The following RBMS3 variants were observed in gnomAD, a reference collection of about 807,000 sequenced individuals.
The protein encoded by RBMS3 is RNA-binding motif, single-stranded-interacting protein 3.
A neutral mutation model predicts 66.8 loss-of-function variants in RBMS3; 27 were observed. The observed-to-expected ratio is 0.40, with a 90% CI of 0.30 to 0.56. The LOEUF (loss-of-function observed/expected upper bound fraction) is 0.56, where lower values mean the gene tolerates loss of function less well. Ranked by LOEUF, RBMS3 falls within the 20% of genes least tolerant of loss-of-function variation. RBMS3 has a pLI of 0.40. For synonymous variants in RBMS3, 188 were observed against 183.0 expected (o/e 1.03, Z -0.22); for missense variants, 513 against 549.5 (o/e 0.93, Z 0.66).
chr3:29,706,576 A>C (rs140269027), intron 4 of RBMS3, among the ~76,000 whole-genome samples: 23 of 152,296 alleles, frequency 1.5e-4, no homozygotes, highest in Admixed American at 3.3e-4. Context: ...AACTCATAGT[A>C]TGAAATCATG....
At chr3:29,531,698 C>A (rs1014400793) in intron 3 of RBMS3, among the ~76,000 whole-genome samples, 1 of 152,184 alleles carries the variant, frequency 6.6e-6, no homozygotes, top group Non-Finnish European at 1.5e-5. Flanking sequence ...GCTGAGGCAG[C>A]AAGGAAAATG....
intron 1 of RBMS3, among the ~76,000 whole-genome samples, chr3:29,333,384 G>A (rs1369004638): frequency 6.6e-6 from 1 of 152,078 alleles, no homozygotes; most frequent in Non-Finnish European, 1.5e-5. Context: ...GCATCAGCAC[G>A]TATAACATTC....
intron 8 of RBMS3, among the ~76,000 whole-genome samples, chr3:29,893,980 A>G (rs552984563): frequency 6.6e-6 from 1 of 151,732 alleles, no homozygotes; most frequent in South Asian, 2.1e-4. Flanking sequence ...CTAGGCAACA[A>G]TACTGATATA....
intron 1 of RBMS3, among the ~76,000 whole-genome samples, chr3:29,424,156 T>G (rs1469230673): frequency 6.6e-6 from 1 of 152,210 alleles, no homozygotes; most frequent in Admixed American, 6.5e-5. Context: ...ATGAAATAGC[T>G]CTAAAGTAAT....
rs541870036 is a variant in RBMS3, at chr3:29,801,380, G to T, written c.637+38391G>T. Reference sequence around the variant, plus strand: ...CCTCCTGGGCTCAAGCGATTCTCCTGCCTCAGCCTCCTGAGTAGCTAGGGT... The same window carrying T: ...CCTCCTGGGCTCAAGCGATTCTCCTTCCTCAGCCTCCTGAGTAGCTAGGGT... On this transcript the variant is annotated intron_variant, in intron 6 of 14. Coordinates refer to ENST00000383767, the MANE Select transcript of RBMS3 (RefSeq NM_001003793.3). Among the ~76,000 whole-genome samples, 5 of 150,582 alleles carry T rather than the reference G, an allele frequency of 3.3e-5. No homozygotes were observed. The South Asian group carries it at 6.3e-4, about 19-fold the overall frequency.
chr3:29,359,762 G>A (rs1177678553), intron 1 of RBMS3, among the ~76,000 whole-genome samples: 1 of 152,020 alleles, frequency 6.6e-6, no homozygotes, highest in Non-Finnish European at 1.5e-5. Flanking sequence ...ACTTCTTCCT[G>A]GTTTAGTCTT....
chr3:29,355,825 C>CT (rs1310123145), intron 1 of RBMS3, among the ~76,000 whole-genome samples: 2 of 152,008 alleles, frequency 1.3e-5, no homozygotes, highest in Admixed American at 1.3e-4. Context: ...AAGCACAAAT[C>CT]TTATGTTTCT....
intron 1 of RBMS3, among the ~76,000 whole-genome samples, chr3:29,299,023 G>A (rs996847262): frequency 2.0e-5 from 3 of 151,794 alleles, no homozygotes; most frequent in African/African-American, 7.3e-5. Context: ...GAACAAAGGA[G>A]GGTAATCAAA....
At chr3:29,884,423 TC>T (rs2059811656) in intron 8 of RBMS3, among the ~76,000 whole-genome samples, 1 of 26,012 alleles carries the variant, frequency 3.8e-5, no homozygotes, top group African/African-American at 1.3e-4. Flanking sequence ...TAAACCCTGT[TC>T]TCTCTCTCTC....
At chr3:29,723,737 G>T (rs982892089) in intron 4 of RBMS3, among the ~76,000 whole-genome samples, 70 of 152,218 alleles carry the variant, frequency 4.6e-4, no homozygotes, top group African/African-American at 1.7e-3. Flanking sequence ...CCTCTCCTTG[G>T]AAGCCAGGAG....
At chr3:29,906,952 T>C (rs1318976257) in intron 10 of RBMS3, among the ~76,000 whole-genome samples, 1 of 152,180 alleles carries the variant, frequency 6.6e-6, no homozygotes, top group East Asian at 1.9e-4. Flanking sequence ...ATTTTCCATT[T>C]TTCCCAGTTG....
chr3:29,780,634 A>G (rs2056598283), intron 6 of RBMS3, among the ~76,000 whole-genome samples: 1 of 152,178 alleles, frequency 6.6e-6, no homozygotes, highest in African/African-American at 2.4e-5. Flanking sequence ...TTTCCCAAAA[A>G]CCAGTATCCT....
rs143413410 is a variant in RBMS3, at chr3:29,524,029, C to T, written c.307+35530C>T. Among the ~76,000 whole-genome samples the T allele has an allele frequency of 7.2e-4, 110 of 152,222 alleles. 2 individuals carry two copies. The highest frequency in any genetic ancestry group is 3.1e-3 in the East Asian group (16 of 5,164). On this transcript the variant is annotated intron_variant, in intron 3 of 14. Transcript: ENST00000383767. ...CTGAGATTATGGGTATGAGCCCCTG[C>T]GCCCAGCCCATAATCTCTTTTAAAT...
chr3:29,777,801 GA>G (rs2056479232), intron 6 of RBMS3, among the ~76,000 whole-genome samples: 2 of 151,696 alleles, frequency 1.3e-5, no homozygotes, highest in Non-Finnish European at 2.9e-5. Flanking sequence ...ACAACAATTA[GA>G]TTTTTTTTTC....
chr3:29,888,674 C>A (rs1017919261), intron 8 of RBMS3, among the ~76,000 whole-genome samples: 8 of 151,678 alleles, frequency 5.3e-5, no homozygotes, highest in South Asian at 2.1e-4. Flanking sequence ...GGTCATTATC[C>A]TCATCAATAT....
In RBMS3 at chr3:29,543,456, C is replaced by G. The variant is rs532316198; in HGVS notation, c.308-43658C>G. Among the ~76,000 whole-genome samples the G allele has an allele frequency of 5.4e-4, 82 of 152,290 alleles. 2 individuals carry two copies. The South Asian group carries it at 0.013, about 25-fold the overall frequency. On this transcript the variant is annotated intron_variant, in intron 3 of 14. Transcript: ENST00000383767. ...GGGCAAGGTGGCTAACGCCTGTAAT[C>G]CCAGCACTTTGGGAGGCTGAAGCTG... is the stretch of plus-strand genomic sequence containing the variant.
At chr3:29,864,614 G>A (rs1009281548) in intron 6 of RBMS3, among the ~76,000 whole-genome samples, 1 of 152,064 alleles carries the variant, frequency 6.6e-6, no homozygotes, top group African/African-American at 2.4e-5. Context: ...ACTGACACAT[G>A]ACCGGGTTTC....
intron 4 of RBMS3, among the ~76,000 whole-genome samples, chr3:29,612,278 T>G (rs888085452): frequency 1.3e-5 from 2 of 152,102 alleles, no homozygotes. Context: ...CTGTAGATAC[T>G]GGTCTGCAAC....
chr3:29,796,304 C>T (rs946397269), intron 6 of RBMS3, among the ~76,000 whole-genome samples: 1 of 152,142 alleles, frequency 6.6e-6, no homozygotes, highest in African/African-American at 2.4e-5. Flanking sequence ...GCTATTTTTA[C>T]CACATCTTCA....
Sources: allele counts gnomAD v4.1 joint callset (sites outside exome capture counted in the v4.1 genomes callset), GRCh38; gene constraint gnomAD v4.1.1; transcripts MANE v1.5; gene names NCBI Gene and HGNC (gene_info 2026-07-23, HGNC 2026-07-21).